The following IMMP2L variants were observed in gnomAD, a reference collection of about 807,000 sequenced individuals.
The protein encoded by IMMP2L is mitochondrial inner membrane protease subunit 2.
In IMMP2L, 18 loss-of-function variants were observed where a neutral mutation model predicts 19.3. That is an observed-to-expected ratio of 0.93 (90% CI 0.64 to 1.38). The LOEUF (loss-of-function observed/expected upper bound fraction) is 1.38. IMMP2L is among the 40% of genes most tolerant of loss of function. The pLI is 0.00. For missense variants in IMMP2L, 233 were observed against 218.2 expected, an observed-to-expected ratio of 1.07 and a Z score of -0.43; for synonymous variants, 76 against 73.0, an observed-to-expected ratio of 1.04 and a Z score of -0.21.
At chr7:110,733,535 A>G (rs1212947175) in intron 5 of IMMP2L, among the ~76,000 whole-genome samples, 1 of 129,440 alleles carries the variant, frequency 7.7e-6, no homozygotes, top group Non-Finnish European at 1.8e-5. Flanking sequence ...AGGAAGAGAA[A>G]GAGAGAAGGA....
intron 3 of IMMP2L, among the ~76,000 whole-genome samples, chr7:111,162,537 T>C (rs1805377487): frequency 6.6e-6 from 1 of 152,070 alleles, no homozygotes; most frequent in Non-Finnish European, 1.5e-5. Context: ...GGAGGGCATA[T>C]CCTCCACAGG....
At chr7:110,930,079 T>C (rs1281683353) in intron 4 of IMMP2L, among the ~76,000 whole-genome samples, 2 of 152,186 alleles carry the variant, frequency 1.3e-5, no homozygotes, top group Non-Finnish European at 2.9e-5. Flanking sequence ...TCATCATATA[T>C]AAGACTGAGC....
chr7:110,979,502 T>C (rs1241469635), intron 3 of IMMP2L, among the ~76,000 whole-genome samples: 1 of 151,998 alleles, frequency 6.6e-6, no homozygotes, highest in Non-Finnish European at 1.5e-5. Context: ...AACTTCCAGG[T>C]AGGACCAATG....
At chr7:111,189,260 G>A (rs1808608056) in intron 3 of IMMP2L, among the ~76,000 whole-genome samples, 1 of 151,936 alleles carries the variant, frequency 6.6e-6, no homozygotes, top group Non-Finnish European at 1.5e-5. Flanking sequence ...GCAGAAAGAT[G>A]TGTCTCAAAA....
At chr7:111,101,359 A>T (rs1364045544) in intron 3 of IMMP2L, among the ~76,000 whole-genome samples, 2 of 151,452 alleles carry the variant, frequency 1.3e-5, no homozygotes, top group Non-Finnish European at 3.0e-5. Flanking sequence ...GCAGAATCAT[A>T]TATTCGTGTC....
intron 3 of IMMP2L, among the ~76,000 whole-genome samples, chr7:111,344,529 T>C (rs1204778362): frequency 1.3e-5 from 2 of 152,204 alleles, no homozygotes; most frequent in Admixed American, 6.6e-5. Context: ...GATAGAGCCA[T>C]GTCTGGCATA....
intron 5 of IMMP2L, among the ~76,000 whole-genome samples, chr7:110,864,031 C>T (rs1006951772): frequency 3.9e-5 from 6 of 152,008 alleles, no homozygotes; most frequent in South Asian, 2.1e-4. Context: ...TTCTACCCCA[C>T]GTAACACATA....
At chr7:111,448,063 C>T (rs1387603593) in intron 3 of IMMP2L, among the ~76,000 whole-genome samples, 2 of 144,756 alleles carry the variant, frequency 1.4e-5, no homozygotes, top group African/African-American at 5.5e-5. Flanking sequence ...TAAAGCAAGT[C>T]GTGAGTGACC....
intron 3 of IMMP2L, among the ~76,000 whole-genome samples, chr7:111,241,546 C>A (rs1182587456): frequency 1.3e-5 from 2 of 151,922 alleles, no homozygotes; most frequent in African/African-American, 2.4e-5. Flanking sequence ...CAACCCTACA[C>A]ATGAAATGAT....
Position 110,946,183 on chromosome 7 carries a change from GGA to G in IMMP2L, c.305+17315_305+17316del, listed in dbSNP as rs199730625. Among the ~76,000 whole-genome samples the G allele has an allele frequency of 3.9e-5, 6 of 152,120 alleles. No individual in the cohort carries two copies. In the East Asian group the frequency reaches 9.6e-4, roughly 24 times the overall value. Reference sequence around the variant, plus strand: ...ATCTCCAAAGTTTCCGATTCAAAGTGGAGAGAGTGAGAATCAATAATGTATTA... The same window carrying G: ...ATCTCCAAAGTTTCCGATTCAAAGTGGAGAGTGAGAATCAATAATGTATTA... On this transcript the variant is annotated intron_variant, in intron 4 of 5. Coordinates refer to ENST00000405709, the MANE Select transcript of IMMP2L (RefSeq NM_032549.4).
chr7:110,675,821 A>C (rs1410242454), intron 5 of IMMP2L, among the ~76,000 whole-genome samples: 1 of 152,192 alleles, frequency 6.6e-6, no homozygotes, highest in Non-Finnish European at 1.5e-5. Flanking sequence ...GACACTTAAG[A>C]GTGAAGGGGG....
intron 3 of IMMP2L, among the ~76,000 whole-genome samples, chr7:111,334,415 A>G (rs1029540559): frequency 6.6e-6 from 1 of 152,078 alleles, no homozygotes; most frequent in African/African-American, 2.4e-5. Context: ...TTATGGCAGA[A>G]TAATATTCCA....
At chr7:110,678,361 T>C (rs1301211551) in intron 5 of IMMP2L, among the ~76,000 whole-genome samples, 1 of 152,194 alleles carries the variant, frequency 6.6e-6, no homozygotes, top group Non-Finnish European at 1.5e-5. Flanking sequence ...TAGATACTGA[T>C]ATCACCTTTC....
At chr7:111,237,287 CTGAG>C (rs1354742594) in intron 3 of IMMP2L, among the ~76,000 whole-genome samples, 2 of 151,964 alleles carry the variant, frequency 1.3e-5, no homozygotes, top group African/African-American at 4.8e-5. Context: ...GCCTTAGATA[CTGAG>C]TAATTAATTC....
At chr7:111,142,845 C>T (rs1378581582) in intron 3 of IMMP2L, among the ~76,000 whole-genome samples, 1 of 152,084 alleles carries the variant, frequency 6.6e-6, no homozygotes, top group Non-Finnish European at 1.5e-5. Context: ...TCTCACGGTC[C>T]CAAAACTTTT....
At chr7:111,400,747 T>C (rs184388699) in intron 3 of IMMP2L, among the ~76,000 whole-genome samples, 2 of 152,222 alleles carry the variant, frequency 1.3e-5, no homozygotes, top group East Asian at 1.9e-4. Context: ...AATCTCTTGC[T>C]TACCCCATAG....
intron 3 of IMMP2L, among the ~76,000 whole-genome samples, chr7:111,204,342 C>A (rs1036811962): frequency 1.3e-5 from 2 of 152,040 alleles, no homozygotes; most frequent in Admixed American, 6.6e-5. Context: ...AAAACAACAA[C>A]AAAAAAATCT....
intron 5 of IMMP2L, among the ~76,000 whole-genome samples, chr7:110,844,381 T>A (rs945959664): frequency 6.6e-6 from 1 of 151,754 alleles, no homozygotes. Context: ...TGTAAGGACA[T>A]AAGAGAGAAA....
intron 3 of IMMP2L, among the ~76,000 whole-genome samples, chr7:111,070,655 A>G (rs1794874452): frequency 6.6e-6 from 1 of 152,182 alleles, no homozygotes; most frequent in South Asian, 2.1e-4. Context: ...GTGAGTTGAA[A>G]TCACTAATAC....
Sources: gnomAD v4.1 joint callset for allele counts (sites outside exome capture counted in the v4.1 genomes callset) on GRCh38, gnomAD v4.1.1 for gene constraint, MANE v1.5 for transcripts, NCBI Gene and HGNC (gene_info 2026-07-23, HGNC 2026-07-21) for gene names.